Variants in TEX11 observed in about 807,000 individuals in gnomAD.
The protein encoded by TEX11 is testis expressed 11.
Under a neutral mutation model 84.4 loss-of-function variants are expected in TEX11, and 7 were observed. The observed-to-expected ratio is 0.08, with a 90% CI of 0.05 to 0.16. TEX11 has a LOEUF of 0.16. TEX11 is among the 10% of genes least tolerant of loss of function. TEX11 has a pLI of 1.00. For synonymous variants in TEX11, 264 were observed against 222.8 expected (o/e 1.18, Z -1.64); for missense variants, 551 against 660.5 (o/e 0.83, Z 1.82).
At chrX:70,683,533 G>A (rs1408382928) in intron 13 of TEX11, among the ~76,000 whole-genome samples, 1 of 111,264 alleles carries the variant, frequency 9.0e-6, no homozygotes, top group Admixed American at 9.6e-5. Context: ...GAAGTGGGAG[G>A]ACTGCCTGAC....
chrX:70,639,733 A>G (rs781556584), intron 17 of TEX11, among the ~76,000 whole-genome samples: 1,405 of 111,746 alleles, frequency 0.013, 17 homozygotes, highest in Non-Finnish European at 0.02. Flanking sequence ...GAAAACTAAC[A>G]AACAGAAAGG....
intron 9 of TEX11, among the ~76,000 whole-genome samples, chrX:70,767,665 T>C (rs1001543408): frequency 8.9e-6 from 1 of 111,928 alleles, no homozygotes; most frequent in Non-Finnish European, 1.9e-5. Flanking sequence ...TGAAGAGATA[T>C]CTGCACTCCT....
rs1444202323 is a variant in TEX11, at chrX:70,750,931, AAAATATATATAT to A, written c.693-6724_693-6713del. On this transcript the variant is annotated intron_variant, in intron 9 of 29. Transcript: ENST00000374333. ...AAACTTAAAGTATAATAAAAAAAAAAAAATATATATATATATATATATATATATATATATAAA... is the reference window on the plus strand; with the variant it reads ...AAACTTAAAGTATAATAAAAAAAAAAATATATATATATATATATATATAAA... 2.7e-4 allele frequency among the ~76,000 whole-genome samples: 6 copies of A among 21,990 alleles called. 1 individual carries two copies. The highest frequency in any genetic ancestry group is 1.8e-3 in the Admixed American group (4 of 2,165). 19.1% of individuals were successfully genotyped at this position (21,990 alleles called of 115,157 possible). A position where few individuals can be genotyped will look rare whatever the true frequency, so the allele number is the denominator to read the frequency against.
chrX:70,517,307 G>T, the TEX11 span, among the ~76,000 whole-genome samples: 3 of 111,967 alleles, frequency 2.7e-5, no homozygotes, highest in Admixed American at 9.5e-5. Flanking sequence ...TCAATACCTA[G>T]TTTATTGAGA....
intron 2 of TEX11, among the ~76,000 whole-genome samples, chrX:70,905,250 G>T (rs1235352887): frequency 9.0e-6 from 1 of 111,233 alleles, no homozygotes; most frequent in African/African-American, 3.3e-5. Flanking sequence ...TTGAACCCGG[G>T]AGGCGTGGAA....
the TEX11 span, among the ~76,000 whole-genome samples, chrX:70,511,543 AG>A: frequency 1.2e-4 from 13 of 108,012 alleles, no homozygotes; most frequent in South Asian, 7.9e-4. Flanking sequence ...TCACAAGGTC[AG>A]AAGTTCGAGA....
At chrX:70,813,449 T>A (rs954432107) in intron 8 of TEX11, among the ~76,000 whole-genome samples, 1 of 111,674 alleles carries the variant, frequency 9.0e-6, no homozygotes, top group Non-Finnish European at 1.9e-5. Flanking sequence ...GGATGTATCT[T>A]GAAATAATAA....
At chrX:70,708,940 A>C (rs1439438041) in intron 13 of TEX11, among the ~76,000 whole-genome samples, 2 of 109,612 alleles carry the variant, frequency 1.8e-5, no homozygotes, top group South Asian at 3.9e-4. Flanking sequence ...AAAAAAAAAA[A>C]AACTCCTTTT....
intron 9 of TEX11, among the ~76,000 whole-genome samples, chrX:70,753,784 G>C (rs2090847238): frequency 9.2e-6 from 1 of 109,268 alleles, no homozygotes; most frequent in African/African-American, 3.3e-5. Context: ...ACAAGGGTTA[G>C]GGTTGTGAGG....
At chrX:70,672,774 C>G (rs1467434469) in intron 15 of TEX11, 1 of 111,591 alleles carries the variant, frequency 9.0e-6, no homozygotes, top group Non-Finnish European at 1.9e-5. Context: ...AAATTTTTCT[C>G]CCAGTCTCTA....
chrX:70,556,391 G>A (rs1444419376), intron 25 of TEX11, among the ~76,000 whole-genome samples: 1 of 111,151 alleles, frequency 9.0e-6, no homozygotes, highest in Non-Finnish European at 1.9e-5. Context: ...TTATTTTAAA[G>A]TATGTTGTTT....
chrX:70,655,843 C>T (rs1167770631), intron 16 of TEX11, among the ~76,000 whole-genome samples: 2 of 109,841 alleles, frequency 1.8e-5, no homozygotes, highest in Admixed American at 9.7e-5. Context: ...AAACTAATAC[C>T]GTATCTATAC....
chrX:70,759,783 GAAAT>G (rs1569432483), intron 9 of TEX11, among the ~76,000 whole-genome samples: 1 of 111,469 alleles, frequency 9.0e-6, no homozygotes, highest in East Asian at 2.8e-4. Context: ...GCAAGAGAAA[GAAAT>G]AAAGAGTATT....
chrX:70,601,672 A>G (rs1328680596), intron 24 of TEX11, among the ~76,000 whole-genome samples: 1 of 100,114 alleles, frequency 1.0e-5, no homozygotes, highest in Non-Finnish European at 2.0e-5. Flanking sequence ...TCCTAGGCAG[A>G]GGACCCTGCG....
At chrX:70,788,938 A>ATG (rs2091096814) in intron 9 of TEX11, among the ~76,000 whole-genome samples, 1 of 18,217 alleles carries the variant, frequency 5.5e-5, no homozygotes, top group Non-Finnish European at 8.4e-5. Context: ...GGTTTTGATT[A>ATG]TATATATATA....
chrX:70,648,359 T>C (rs2089772073), intron 17 of TEX11, among the ~76,000 whole-genome samples: 1 of 110,262 alleles, frequency 9.1e-6, no homozygotes, highest in Non-Finnish European at 1.9e-5. Context: ...CATGTATACA[T>C]ATGTAACAAA....
intron 17 of TEX11, among the ~76,000 whole-genome samples, chrX:70,647,104 G>C (rs752405807): frequency 9.0e-6 from 1 of 111,330 alleles, no homozygotes; most frequent in South Asian, 3.8e-4. Flanking sequence ...GAACCTCGAA[G>C]ACATTATATT....
chrX:70,609,624 T>C (rs1300322053), intron 21 of TEX11, among the ~76,000 whole-genome samples: 3 of 112,306 alleles, frequency 2.7e-5, no homozygotes, highest in East Asian at 5.6e-4. Context: ...TTCTGAGAAA[T>C]AAGAATGCCA....
intron 9 of TEX11, among the ~76,000 whole-genome samples, chrX:70,790,224 G>C (rs891206606): frequency 1.8e-5 from 2 of 111,695 alleles, no homozygotes; most frequent in African/African-American, 6.5e-5. Context: ...CTCTCACCAA[G>C]AGAAACCAAA....
Sources: allele counts gnomAD v4.1 joint callset (sites outside exome capture counted in the v4.1 genomes callset), GRCh38; gene constraint gnomAD v4.1.1; transcripts MANE v1.5; gene names NCBI Gene and HGNC (gene_info 2026-07-23, HGNC 2026-07-21).